ADCY3: variants seen among roughly 807,000 people sequenced by gnomAD.
The protein encoded by ADCY3 is adenylate cyclase type 3.
ADCY3 carries 70 observed loss-of-function variants against 119.4 expected under a neutral mutation model. The ratio of observed to expected loss-of-function variants is 0.59; its 90% CI spans 0.48 to 0.72. ADCY3 has a LOEUF of 0.72. Ranked by LOEUF, ADCY3 falls within the 30% of genes least tolerant of loss-of-function variation. The probability of loss-of-function intolerance (pLI) is 0.00; values close to 1 mark genes in which losing one functional copy is unlikely to be tolerated. For missense variants in ADCY3, 1,238 were observed against 1,541.6 expected (o/e 0.80, Z 3.30); for synonymous variants, 672 against 621.4 (o/e 1.08, Z -1.21).
At chr2:24,825,824 T>A (rs1291118946) in intron 16 of ADCY3, 83 of 573,766 alleles carry the variant, frequency 1.4e-4, no homozygotes, top group Non-Finnish European at 6.2e-6. Context: ...TCCTTCACCA[T>A]CCTGGAGGGG....
chr2:24,833,759 G>A (rs764600833), intron 11 of ADCY3, among the ~76,000 whole-genome samples: 27 of 152,222 alleles, frequency 1.8e-4, no homozygotes, highest in Admixed American at 1.4e-3. Flanking sequence ...GTGAGTGTCC[G>A]CTAGGGCAGG....
intron 3 of ADCY3, among the ~76,000 whole-genome samples, chr2:24,854,419 C>T (rs927382036): frequency 6.6e-6 from 1 of 152,214 alleles, no homozygotes; most frequent in Non-Finnish European, 1.5e-5. Context: ...GCAGGTACTT[C>T]ACCCCGGGGG....
At chr2:24,883,407 G>GA (rs1051222744) in intron 2 of ADCY3, among the ~76,000 whole-genome samples, 1 of 152,108 alleles carries the variant, frequency 6.6e-6, no homozygotes, top group Non-Finnish European at 1.5e-5. Flanking sequence ...GATTCTGAGG[G>GA]AGAGGGGAGA....
At chr2:24,902,999 T>C (rs1318922807) in intron 2 of ADCY3, among the ~76,000 whole-genome samples, 1 of 151,838 alleles carries the variant, frequency 6.6e-6, no homozygotes, top group Non-Finnish European at 1.5e-5. Flanking sequence ...CCATAAAAAT[T>C]AGCTTGGTGT....
intron 17 of ADCY3, 94 bp from the exon 18 acceptor site, chr2:24,823,449 C>A: frequency 3.6e-6 from 5 of 1,398,352 alleles, no homozygotes; most frequent in Non-Finnish European, 4.8e-6. Context: ...ATGACATGTG[C>A]ACTCAGCTTT....
At chr2:24,824,793 G>T (rs2148394964) in intron 16 of ADCY3, among the ~76,000 whole-genome samples, 1 of 152,294 alleles carries the variant, frequency 6.6e-6, no homozygotes, top group Admixed American at 6.5e-5. Context: ...GGAGGCTGAG[G>T]CAGGAGAATC....
In ADCY3 at chr2:24,842,201, C is replaced by G; in HGVS notation, c.956+53G>C. On this transcript the variant is annotated intron_variant, in intron 4 of 21. Transcript: ENST00000679454. The surrounding 1 kb of genome is among the most constrained non-coding windows in gnomAD (Gnocchi z 4.9). ...GCACCTAGCGGGTCCCACAAAGATG[C>G]AGCCCTCCACAGCCTGCTCTGCCAT... 1 of 1,609,102 alleles carries G rather than the reference C, an allele frequency of 6.2e-7. No homozygotes were observed. Among genetic ancestry groups the G allele is most frequent in the Non-Finnish European group, 8.5e-7 (1 of 1,178,348 alleles).
At chr2:24,821,353 C>G (rs549070428) in intron 20 of ADCY3, 164 bp downstream of exon 20, 3 of 1,007,514 alleles carry the variant, frequency 3.0e-6, no homozygotes, top group Non-Finnish European at 4.3e-6. Flanking sequence ...CATCTAGAGT[C>G]GTCTGGACTA....
intron 3 of ADCY3, among the ~76,000 whole-genome samples, chr2:24,859,406 G>A (rs1202691508): frequency 6.6e-6 from 1 of 152,158 alleles, no homozygotes; most frequent in Non-Finnish European, 1.5e-5. Context: ...CAGTGGCATG[G>A]TGGGGCTTGG....
chr2:24,903,079 G>A (rs979746551), intron 2 of ADCY3, among the ~76,000 whole-genome samples: 4 of 149,646 alleles, frequency 2.7e-5, no homozygotes, highest in African/African-American at 5.0e-5. Context: ...CCCGGGAGGC[G>A]AAGATTGCAG....
chr2:24,859,654 C>T (rs1475584035), intron 3 of ADCY3, among the ~76,000 whole-genome samples: 6 of 152,196 alleles, frequency 3.9e-5, no homozygotes, highest in Admixed American at 2.6e-4. Flanking sequence ...TCCCAAGCTC[C>T]GGGGCTCCCA....
At chr2:24,857,541 CTAAT>C (rs1673154537) in intron 3 of ADCY3, among the ~76,000 whole-genome samples, 1 of 152,228 alleles carries the variant, frequency 6.6e-6, no homozygotes, top group South Asian at 2.1e-4. Flanking sequence ...CTAACATTTT[CTAAT>C]TAATTAAGTT....
intron 3 of ADCY3, among the ~76,000 whole-genome samples, chr2:24,856,293 G>T (rs2148692544): frequency 6.6e-6 from 1 of 152,288 alleles, no homozygotes; most frequent in South Asian, 2.1e-4. Flanking sequence ...AAGTCTGTTT[G>T]TCTGTAGGGT....
chr2:24,827,369 C>T (rs1668771592), intron 15 of ADCY3, among the ~76,000 whole-genome samples, 177 bp downstream of exon 15: 1 of 152,240 alleles, frequency 6.6e-6, no homozygotes, highest in Non-Finnish European at 1.5e-5. Flanking sequence ...ATTTCCTTCC[C>T]TCCTCACTGC....
At chr2:24,825,833 G>T (rs963525745) in intron 16 of ADCY3, 1 of 581,268 alleles carries the variant, frequency 1.7e-6, no homozygotes, top group Admixed American at 3.0e-5. Flanking sequence ...ATCCTGGAGG[G>T]GGTCGGACGG....
chr2:24,828,097 C>T lies in ADCY3; in HGVS notation c.2237G>A (p.Ser746Asn). ...NATAGMETEG[S>N]CLENPKYYNY... is the part of the protein sequence containing the mutation. ...GTAATACTTGGGGTTCTCCAGGCAG[C>T]TGCCCTCCGTTTCCATCCCTGCCGT... is the stretch of plus-strand genomic sequence containing the variant. The change falls in exon 14 of 22, where the codon AGC (serine) becomes AAC (asparagine). Residue 746 changes from serine to asparagine, a missense_variant. Coordinates refer to ENST00000679454, the MANE Select transcript of ADCY3 (RefSeq NM_004036.5). 1.2e-6 allele frequency: 2 copies of T among 1,614,190 alleles called. No individual in the cohort carries two copies. Among genetic ancestry groups the T allele is most frequent in the Non-Finnish European group, 8.5e-7 (1 of 1,180,032 alleles).
intron 2 of ADCY3, among the ~76,000 whole-genome samples, chr2:24,885,665 T>C (rs956403961): frequency 6.6e-6 from 1 of 152,162 alleles, no homozygotes; most frequent in African/African-American, 2.4e-5. Context: ...GGGGACAGAC[T>C]CATCTCCCTG....
At chr2:24,910,853 G>C (rs1199620929) in intron 2 of ADCY3, among the ~76,000 whole-genome samples, 1 of 151,976 alleles carries the variant, frequency 6.6e-6, no homozygotes, top group African/African-American at 2.4e-5. Flanking sequence ...CACCATGTTG[G>C]CCAGGATGGT....
Position 24,842,322 on chromosome 2 carries a change from C to T in ADCY3, c.888G>A (p.Lys296=), listed in dbSNP as rs747132051. 3 of 1,614,042 alleles carry T rather than the reference C, an allele frequency of 1.9e-6. No individual in the cohort carries two copies. Among genetic ancestry groups the T allele is most frequent in the Non-Finnish European group, 2.5e-6 (3 of 1,180,052 alleles). The change falls in exon 4 of 22, where the codon AAG becomes AAA. Residue 296 remains lysine (K), a synonymous_variant. Coordinates refer to ENST00000679454, the MANE Select transcript of ADCY3 (RefSeq NM_004036.5). This position sits in a 1 kb window ranked among gnomAD's most constrained non-coding sequence, Gnocchi z 4.9. ...GCTGGTCCTTCTGGCTCTCGTCTTT[C>T]TTCATGTCTTTCAGCATCTCGTCAG... The part of the protein sequence containing the change: ...HVADEMLKDM[K]KDESQKDQQQ...
Sources: allele counts gnomAD v4.1 joint callset (sites outside exome capture counted in the v4.1 genomes callset), GRCh38; gene constraint gnomAD v4.1.1; non-coding constraint Gnocchi (gnomAD v3.1); transcripts MANE v1.5; gene names NCBI Gene and HGNC (gene_info 2026-07-23, HGNC 2026-07-21).